The following PROKR2 variants were observed in gnomAD, a reference collection of about 807,000 sequenced individuals.
PROKR2 encodes prokineticin receptor 2, also known as G protein-coupled receptor 73-like 1.
A neutral mutation model predicts 23.4 loss-of-function variants in PROKR2; 26 were observed. The ratio of observed to expected loss-of-function variants is 1.11; its 90% CI spans 0.81 to 1.54. PROKR2 has a LOEUF of 1.54. Ranked by LOEUF, PROKR2 falls within the 40% of genes most tolerant of loss-of-function variation. PROKR2 has a pLI of 0.00. For missense variants in PROKR2, 453 were observed against 511.5 expected (o/e 0.89, Z 1.10); for synonymous variants, 212 against 201.2 (o/e 1.05, Z -0.45).
intron 2 of PROKR2, among the ~76,000 whole-genome samples, chr20:5,311,709 T>C (rs556250685): frequency 6.6e-6 from 1 of 152,344 alleles, no homozygotes; most frequent in Admixed American, 6.5e-5. Context: ...CATAATCTAA[T>C]CAGCCGCCAG....
At chr20:5,307,557 G>A (rs1041828368) in intron 2 of PROKR2, among the ~76,000 whole-genome samples, 12 of 152,212 alleles carry the variant, frequency 7.9e-5, no homozygotes, top group Non-Finnish European at 1.6e-4. Context: ...ATTGCAGAAC[G>A]GGCAGAGGTG....
chr20:5,302,243 C>A lies in PROKR2; in HGVS notation c.952G>T (p.Val318Phe), dbSNP rs1979019457. Residue 318 changes from valine (V) to phenylalanine (F), a missense_variant, in exon 3 of 3, where the codon GTC (valine) becomes TTC (phenylalanine). Physicochemically the swap from Val to Phe is conservative, Grantham distance 50 (BLOSUM62 -1). Coordinates refer to ENST00000678254, the MANE Select transcript of PROKR2 (RefSeq NM_144773.4). ...EKHYLTAFYV[V>F]ECIAMSNSMI... Reference sequence around the variant, plus strand: ...CTGTTGCTCATGGCGATGCACTCGACCACGTAGAAGGCAGTGAGGTAGTGC... The same window carrying A: ...CTGTTGCTCATGGCGATGCACTCGAACACGTAGAAGGCAGTGAGGTAGTGC... 4 of 1,614,244 alleles carry A rather than the reference C, an allele frequency of 2.5e-6. No homozygotes were observed. Among genetic ancestry groups the A allele is most frequent in the Non-Finnish European group, 2.5e-6 (3 of 1,180,048 alleles).
Position 5,302,062 on chromosome 20 carries a change from A to G in PROKR2, c.1133T>C (p.Val378Ala), listed in dbSNP as rs758925950. ...RTNGVPTTEE[V>A]DCIRLK ...GGGTCACTTCAGCCTGATACAGTCC[A>G]CCTCTTCTGTGGTGGGCACCCCGTT... The change falls in exon 3 of 3, where the codon GTG becomes GCG. Residue 378 changes from valine to alanine, a missense_variant. By Grantham distance (64) the Val-to-Ala change is moderately conservative. Coordinates refer to ENST00000678254, the MANE Select transcript of PROKR2 (RefSeq NM_144773.4). 4.3e-6 allele frequency: 7 copies of G among 1,613,668 alleles called. 1 individual carries two copies. In the South Asian group the frequency reaches 6.6e-5, roughly 15 times the overall value.
chr20:5,310,094 T>A (rs1158396803), intron 2 of PROKR2, among the ~76,000 whole-genome samples: 1 of 152,234 alleles, frequency 6.6e-6, no homozygotes, highest in Non-Finnish European at 1.5e-5. Context: ...ACTGACAACC[T>A]CTAAGGCTTT....
chr20:5,304,064 C>A (rs1373287673), intron 2 of PROKR2, among the ~76,000 whole-genome samples: 1 of 152,166 alleles, frequency 6.6e-6, no homozygotes, highest in Non-Finnish European at 1.5e-5. Context: ...CTCTTCTGCA[C>A]CCCCTCCTTA....
At chr20:5,309,661 C>G (rs989909415) in intron 2 of PROKR2, among the ~76,000 whole-genome samples, 75 of 152,250 alleles carry the variant, frequency 4.9e-4, no homozygotes, top group African/African-American at 1.8e-3. Context: ...TTTATAGATC[C>G]TGGGGATTAG....
chr20:5,299,647 T>G lies in PROKR2; in HGVS notation c.*2393A>C, dbSNP rs1050276130. Among the ~76,000 whole-genome samples the G allele has an allele frequency of 6.6e-6, 1 of 152,184 alleles. No homozygotes were observed. The highest frequency in any genetic ancestry group is 1.5e-5 in the Non-Finnish European group (1 of 68,042). On this transcript the variant is annotated 3_prime_UTR_variant, in exon 3 of 3. Transcript: ENST00000678254. ...ATTTTCTTTTATTTTCCTTTTGAGA[T>G]GGAATCTTGCTCTATCACCCAGGCT...
chr20:5,310,458 G>A (rs1052836297), intron 2 of PROKR2, among the ~76,000 whole-genome samples: 10 of 152,206 alleles, frequency 6.6e-5, no homozygotes, highest in Admixed American at 3.9e-4. Context: ...GGGATTGACT[G>A]TGCCCAGTGA....
intron 1 of PROKR2, chr20:5,315,686 C>T (rs1332949794): frequency 2.8e-6 from 1 of 362,100 alleles, no homozygotes; most frequent in East Asian, 7.5e-5. Context: ...ACCTGGGGTG[C>T]GCCCGCCAGC....
intron 2 of PROKR2, among the ~76,000 whole-genome samples, chr20:5,309,047 G>T (rs1979335374): frequency 6.6e-6 from 1 of 152,148 alleles, no homozygotes; most frequent in Non-Finnish European, 1.5e-5. Flanking sequence ...GGTTGCTGGG[G>T]TTCTTCAGCC....
At chr20:5,306,553 A>G (rs947541535) in intron 2 of PROKR2, among the ~76,000 whole-genome samples, 1 of 152,230 alleles carries the variant, frequency 6.6e-6, no homozygotes, top group Non-Finnish European at 1.5e-5. Context: ...GTAATGGTAA[A>G]GCTTCTTATT....
At chr20:5,309,818 G>A (rs1979365655) in intron 2 of PROKR2, among the ~76,000 whole-genome samples, 1 of 152,270 alleles carries the variant, frequency 6.6e-6, no homozygotes, top group East Asian at 1.9e-4. Context: ...CCATGCCAAA[G>A]GGAATTTCCA....
chr20:5,299,612 G>T lies in PROKR2; in HGVS notation c.*2428C>A, dbSNP rs893729825. 6.6e-6 allele frequency among the ~76,000 whole-genome samples: 1 copy of T among 151,788 alleles called. No homozygotes were observed. The highest frequency in any genetic ancestry group is 1.5e-5 in the Non-Finnish European group (1 of 67,938). On this transcript the variant is annotated 3_prime_UTR_variant, in exon 3 of 3. Coordinates refer to ENST00000678254, the MANE Select transcript of PROKR2 (RefSeq NM_144773.4). ...CAGTTTTGCTTAGGCTAATATTATA[G>T]TGTGTTTGCATTTTCTTTTATTTTC...
chr20:5,304,035 A>G (rs4815790), intron 2 of PROKR2, among the ~76,000 whole-genome samples: 61,696 of 151,988 alleles, frequency 0.41, 12,616 homozygotes, highest in East Asian at 0.52. Flanking sequence ...GCGGCAAAGG[A>G]GGGAGAGGTT....
At chr20:5,308,937 T>C (rs554391388) in intron 2 of PROKR2, among the ~76,000 whole-genome samples, 15 of 151,194 alleles carry the variant, frequency 9.9e-5, no homozygotes, top group Admixed American at 7.2e-4. Context: ...CAAAGCAGCA[T>C]GGCTCTCCCC....
Position 5,316,443 on chromosome 20 carries a change from T to A in PROKR2, c.-9+51A>T. 1 of 450,968 alleles carries A rather than the reference T, an allele frequency of 2.2e-6. No individual in the cohort carries two copies. The highest frequency in any genetic ancestry group is 4.5e-6 in the Non-Finnish European group (1 of 224,086). 27.9% of individuals were successfully genotyped at this position (450,968 alleles called of 1,614,324 possible). A position where few individuals can be genotyped will look rare whatever the true frequency, so the allele number is the denominator to read the frequency against. On this transcript the variant is annotated intron_variant, in intron 1 of 2. Transcript: ENST00000678254. This position sits in a 1 kb window ranked among gnomAD's most constrained non-coding sequence, Gnocchi z 5.0. ...CGTCAGAGGCCCTTGTCCTAGCGAC[T>A]CCCCCACCGCACCGACTGAGTCCCG...
chr20:5,309,386 A>G (rs67034028), intron 2 of PROKR2, among the ~76,000 whole-genome samples: 77,609 of 151,996 alleles, frequency 0.51, 20,128 homozygotes, highest in African/African-American at 0.61. Context: ...GGGAGAATCT[A>G]TTTTTGTTGC....
rs765391432 is a variant in PROKR2 at position 5,314,148 on chromosome 20, A to G, written c.222T>C (p.Phe74=). ...MLVCGIGNFV[F]IAALTRYKKL... ...TCTTATAGCGGGTGAGGGCAGCGAT[A>G]AAGACAAAGTTACCGATGCCGCAGA... is the stretch of plus-strand genomic sequence containing the variant. Residue 74 remains phenylalanine (F), a synonymous_variant, in exon 2 of 3, where the codon TTT becomes TTC. Coordinates refer to ENST00000678254, the MANE Select transcript of PROKR2 (RefSeq NM_144773.4). The G allele has an allele frequency of 6.2e-7, 1 of 1,614,186 alleles. No homozygotes were observed. Among genetic ancestry groups the G allele is most frequent in the Non-Finnish European group, 8.5e-7 (1 of 1,180,032 alleles).
intron 2 of PROKR2, among the ~76,000 whole-genome samples, chr20:5,311,282 G>A (rs1213212041): frequency 6.6e-6 from 1 of 152,152 alleles, no homozygotes. Context: ...GTGAGTGGAG[G>A]CAGGATAGGG....
Sources: allele counts gnomAD v4.1 joint callset (sites outside exome capture counted in the v4.1 genomes callset), GRCh38; gene constraint gnomAD v4.1.1; non-coding constraint Gnocchi (gnomAD v3.1); transcripts MANE v1.5; gene names NCBI Gene and HGNC (gene_info 2026-07-23, HGNC 2026-07-21).